The following RD3 variants were observed in gnomAD, a reference collection of about 807,000 sequenced individuals.
RD3 encodes the protein RD3 regulator of GUCY2D.
Under a neutral mutation model 16.9 loss-of-function variants are expected in RD3, and 11 were observed. That is an observed-to-expected ratio of 0.65 (90% CI 0.41 to 1.08). The LOEUF (loss-of-function observed/expected upper bound fraction) is 1.08, where lower values mean the gene tolerates loss of function less well. Among genes scored for constraint, RD3 ranks in the 50% least tolerant of loss-of-function variants. The pLI, the probability that RD3 is intolerant of heterozygous loss-of-function variation, is 0.00. For synonymous variants in RD3, 116 were observed against 114.8 expected (o/e 1.01, Z -0.07); for missense variants, 274 against 267.4 (o/e 1.02, Z -0.17).
chr1:211,485,213 G>A (rs747665666), intron 1 of RD3, among the ~76,000 whole-genome samples: 1 of 152,190 alleles, frequency 6.6e-6, no homozygotes, highest in Non-Finnish European at 1.5e-5. Context: ...GGGCTGAGTG[G>A]AGTGATCCCA....
chr1:211,481,399 CATGAG>C lies in RD3; in HGVS notation c.12_16del (p.Ile4MetfsTer18). 3 of 1,612,970 alleles carry C rather than the reference CATGAG, an allele frequency of 1.9e-6. No homozygotes were observed. Among genetic ancestry groups the C allele is most frequent in the Non-Finnish European group, 2.5e-6 (3 of 1,180,034 alleles). ...GGATGGGGCCTCGTTCCACCGAAGC[CATGAG>C]ATGAGAGACATAGCCCCTGGCCCTG... On this transcript the variant is annotated frameshift_variant, in exon 2 of 3. Transcript: ENST00000680073. LOFTEE classifies it high-confidence loss of function.
intron 1 of RD3, among the ~76,000 whole-genome samples, chr1:211,484,912 C>G (rs1405530768): frequency 6.6e-6 from 1 of 152,250 alleles, no homozygotes; most frequent in East Asian, 1.9e-4. Flanking sequence ...GCAGTGCTGT[C>G]TGCCCTGCTC....
At chr1:211,487,627 C>G (rs1705400356) in intron 1 of RD3, among the ~76,000 whole-genome samples, 1 of 152,234 alleles carries the variant, frequency 6.6e-6, no homozygotes, top group Non-Finnish European at 1.5e-5. Context: ...AGGAAGCCTT[C>G]CTGATTCACT....
At chr1:211,482,334 C>G (rs183977931) in intron 1 of RD3, among the ~76,000 whole-genome samples, 44 of 152,050 alleles carry the variant, frequency 2.9e-4, no homozygotes, top group African/African-American at 9.0e-4. Context: ...GACATAAACA[C>G]GAAAGGATGA....
rs778896222 is a variant in RD3 at position 211,481,096 on chromosome 1, A to G, written c.296+24T>C. The G allele has an allele frequency of 3.7e-6, 6 of 1,613,168 alleles. No homozygotes were observed. In the African/African-American group the frequency reaches 8.0e-5, roughly 22 times the overall value. Reference sequence around the variant, plus strand: ...CCTTTCCTGGAGCCTGCAGCCCAGCAAGGGTCCCCATCCCAGTGCTCACCT... The same window carrying G: ...CCTTTCCTGGAGCCTGCAGCCCAGCGAGGGTCCCCATCCCAGTGCTCACCT... On this transcript the variant is annotated intron_variant, in intron 2 of 2. Transcript: ENST00000680073.
Position 211,477,930 on chromosome 1 carries a change from G to A in RD3, c.*1106C>T, listed in dbSNP as rs1364001204. On this transcript the variant is annotated 3_prime_UTR_variant, in exon 3 of 3. Transcript: ENST00000680073. Reference sequence around the variant, plus strand: ...TTTCCATGGGTGATCCACACATTGGGTAATCCACATGCCCATCATCAAGGC... The same window carrying A: ...TTTCCATGGGTGATCCACACATTGGATAATCCACATGCCCATCATCAAGGC... 2.5e-6 allele frequency: 1 copy of A among 394,340 alleles called. No homozygotes were observed. The highest frequency in any genetic ancestry group is 2.1e-5 in the African/African-American group (1 of 48,512). The allele number at this position is 394,340 out of a possible 1,614,324, so 24.4% of individuals were successfully genotyped here. A position where few individuals can be genotyped will look rare whatever the true frequency, so the allele number is the denominator to read the frequency against.
chr1:211,489,487 T>G (rs1411054474), intron 1 of RD3, among the ~76,000 whole-genome samples: 1 of 152,066 alleles, frequency 6.6e-6, no homozygotes, highest in African/African-American at 2.4e-5. Context: ...AATTGTGGCA[T>G]TTATTAGACT....
At chr1:211,489,609 C>T (rs1484822430) in intron 1 of RD3, among the ~76,000 whole-genome samples, 1 of 147,220 alleles carries the variant, frequency 6.8e-6, no homozygotes, top group Non-Finnish European at 1.5e-5. Context: ...TTCAATAGAG[C>T]TTGTTTCCTT....
intron 1 of RD3, among the ~76,000 whole-genome samples, chr1:211,489,569 CTTTCT>C (rs1341811616): frequency 5.1e-5 from 7 of 137,380 alleles, no homozygotes; most frequent in Non-Finnish European, 1.1e-4. Context: ...ATCATTTTTT[CTTTCT>C]TTTTTTTTTT....
At chr1:211,491,617 G>A (rs961126482) in intron 1 of RD3, among the ~76,000 whole-genome samples, 151 bp downstream of exon 1, 1 of 152,198 alleles carries the variant, frequency 6.6e-6, no homozygotes, top group Admixed American at 6.5e-5. Flanking sequence ...TCTGGGTCCC[G>A]GAGGTGGGCG....
At chr1:211,479,385 C>T (rs1244371175) in intron 2 of RD3, 58 bp from the exon 3 acceptor site, 2 of 1,516,448 alleles carry the variant, frequency 1.3e-6, no homozygotes, top group African/African-American at 1.4e-5. Context: ...TCTGGCACCC[C>T]GGGCGTCTAA....
At chr1:211,491,553 T>C (rs569511190) in intron 1 of RD3, among the ~76,000 whole-genome samples, 69 of 152,244 alleles carry the variant, frequency 4.5e-4, no homozygotes, top group African/African-American at 1.6e-3. Flanking sequence ...AGGACCCTCA[T>C]CGGTTCCAAC....
At position 211,478,956 on chromosome 1, in the gene RD3, T is replaced by G. The variant is rs1392994367; in HGVS notation, c.*80A>C. 12 of 1,392,796 alleles carry G rather than the reference T, an allele frequency of 8.6e-6. No individual in the cohort carries two copies. The Admixed American group carries it at 2.9e-4, about 34-fold the overall frequency. 86.3% of individuals were successfully genotyped at this position (1,392,796 alleles called of 1,614,324 possible). Reference sequence around the variant, plus strand: ...CCTCGTCAGGCCTAGGTGGGGAGGTTCCAGGGCCCGGCGCTCCGGTCACCG... The same window carrying G: ...CCTCGTCAGGCCTAGGTGGGGAGGTGCCAGGGCCCGGCGCTCCGGTCACCG... On this transcript the variant is annotated 3_prime_UTR_variant, in exon 3 of 3. Coordinates refer to ENST00000680073, the MANE Select transcript of RD3 (RefSeq NM_001164688.2).
intron 1 of RD3, among the ~76,000 whole-genome samples, chr1:211,486,186 A>G (rs1281871521): frequency 6.7e-6 from 1 of 150,122 alleles, no homozygotes; most frequent in Non-Finnish European, 1.5e-5. Context: ...TTATCAAGTT[A>G]GGAAAGATCC....
At chr1:211,483,663 G>A (rs977193326) in intron 1 of RD3, among the ~76,000 whole-genome samples, 2 of 151,754 alleles carry the variant, frequency 1.3e-5, no homozygotes, top group Admixed American at 6.6e-5. Context: ...TAAAGAGGTT[G>A]GGTAGTACTG....
chr1:211,478,996 C>T lies in RD3; in HGVS notation c.*40G>A. 6.5e-7 allele frequency: 1 copy of T among 1,548,452 alleles called. No homozygotes were observed. Among genetic ancestry groups the T allele is most frequent in the Non-Finnish European group, 8.7e-7 (1 of 1,150,696 alleles). On this transcript the variant is annotated 3_prime_UTR_variant, in exon 3 of 3. Coordinates refer to ENST00000680073, the MANE Select transcript of RD3 (RefSeq NM_001164688.2). The stretch of plus-strand genomic sequence containing the variant: ...TCCGGTCACCGGCCTATCATTCCCC[C>T]TGCAGAAGGCTCCGCTTCTGGGCAG...
rs1007517182 is a variant in RD3 at position 211,476,706 on chromosome 1, G to A, written c.*2330C>T. ...GTGTCTAAGGAGGGTGGTGGATTCTGTCCACATGCCTGCGGCTCGAAGGGA... is the reference window on the plus strand; with the variant it reads ...GTGTCTAAGGAGGGTGGTGGATTCTATCCACATGCCTGCGGCTCGAAGGGA... On this transcript the variant is annotated 3_prime_UTR_variant, in exon 3 of 3. Transcript: ENST00000680073. The A allele has an allele frequency of 6.6e-6, 1 of 152,184 alleles. No individual in the cohort carries two copies. Among genetic ancestry groups the A allele is most frequent in the Non-Finnish European group, 1.5e-5 (1 of 68,044 alleles). The allele number at this position is 152,184 out of a possible 1,614,324, so 9.4% of individuals were successfully genotyped here. A position where few individuals can be genotyped will look rare whatever the true frequency, so the allele number is the denominator to read the frequency against.
chr1:211,488,007 G>A (rs913227645), intron 1 of RD3, among the ~76,000 whole-genome samples: 4 of 152,352 alleles, frequency 2.6e-5, no homozygotes, highest in Non-Finnish European at 4.4e-5. Flanking sequence ...AGTGCAGGGT[G>A]TGCCCAGGAA....
chr1:211,481,522 C>T, intron 1 of RD3, 96 bp from the exon 2 acceptor site: 1 of 1,198,176 alleles, frequency 8.3e-7, no homozygotes, highest in Non-Finnish European at 1.2e-6. Flanking sequence ...AGAGCTGGGA[C>T]CCAGGAGAGA....
Sources: allele counts gnomAD v4.1 joint callset (sites outside exome capture counted in the v4.1 genomes callset), GRCh38; gene constraint gnomAD v4.1.1; transcripts MANE v1.5; gene names NCBI Gene and HGNC (gene_info 2026-07-23, HGNC 2026-07-21).